Variants in RNF150 observed in about 807,000 individuals in gnomAD.
RNF150 encodes ring finger protein 150.
RNF150 carries 24 observed loss-of-function variants against 39.3 expected under a neutral mutation model. The ratio of observed to expected loss-of-function variants is 0.61; its 90% confidence interval spans 0.44 to 0.86. The LOEUF is 0.86. Ranked by LOEUF, RNF150 falls within the 40% of genes least tolerant of loss-of-function variation. RNF150 has a pLI of 0.00. For synonymous variants in RNF150, 255 were observed against 227.3 expected (o/e 1.12, Z -1.10); for missense variants, 502 against 587.8 (o/e 0.85, Z 1.51).
intron 1 of RNF150, among the ~76,000 whole-genome samples, chr4:141,157,102 A>G (rs938962464): frequency 2.6e-5 from 4 of 152,112 alleles, no homozygotes; most frequent in African/African-American, 9.7e-5. Context: ...TAACACTGTC[A>G]TCAGAAACTC....
At chr4:141,090,749 C>T (rs1002906980) in intron 1 of RNF150, among the ~76,000 whole-genome samples, 3 of 152,264 alleles carry the variant, frequency 2.0e-5, no homozygotes, top group South Asian at 2.1e-4. Flanking sequence ...TTAGACGGAG[C>T]AGCTGCTCAG....
In RNF150 at chr4:140,860,509, A is replaced by G. The variant is rs1728443971; in HGVS notation, c.*7752T>C. The G allele has an allele frequency of 1.3e-5, 2 of 152,234 alleles. No homozygotes were observed. Among genetic ancestry groups the G allele is most frequent in the Admixed American group, 1.3e-4 (2 of 15,290 alleles). The allele number at this position is 152,234 out of a possible 1,614,324, so 9.4% of individuals were successfully genotyped here. A position where few individuals can be genotyped will look rare whatever the true frequency, so the allele number is the denominator to read the frequency against. On this transcript the variant is annotated 3_prime_UTR_variant, in exon 7 of 7. Transcript: ENST00000515673. ...GGATAGACAATGCCGAGATGGAACC[A>G]TCATCTACTACCTGCAGACTAGCCA...
chr4:140,895,306 G>T (rs1264498706), intron 6 of RNF150, among the ~76,000 whole-genome samples: 2 of 152,138 alleles, frequency 1.3e-5, no homozygotes, highest in African/African-American at 4.8e-5. Context: ...CTAAGGGGAA[G>T]CTGAATATTT....
intron 1 of RNF150, among the ~76,000 whole-genome samples, chr4:140,995,785 T>C (rs557772547): frequency 1.3e-5 from 2 of 152,264 alleles, no homozygotes; most frequent in South Asian, 4.2e-4. Context: ...GTTCCATCCA[T>C]ATTGTTGCAA....
At chr4:141,120,988 T>C (rs1382356639) in intron 1 of RNF150, among the ~76,000 whole-genome samples, 1 of 75,904 alleles carries the variant, frequency 1.3e-5, no homozygotes, top group African/African-American at 3.0e-5. Context: ...CATGATAGCT[T>C]GGACTCAGTT....
At chr4:141,091,156 A>G (rs1317158608) in intron 1 of RNF150, among the ~76,000 whole-genome samples, 2 of 152,218 alleles carry the variant, frequency 1.3e-5, no homozygotes, top group Non-Finnish European at 2.9e-5. Context: ...CCTTACTAGC[A>G]ATGTAGCTTC....
intron 1 of RNF150, among the ~76,000 whole-genome samples, chr4:141,094,471 G>C (rs1222343963): frequency 2.0e-5 from 3 of 152,150 alleles, no homozygotes; most frequent in Non-Finnish European, 4.4e-5. Flanking sequence ...TTCTGCAAAG[G>C]GCCAAATAGT....
chr4:140,896,310 G>A (rs1729939507), intron 6 of RNF150, among the ~76,000 whole-genome samples: 2 of 10,048 alleles, frequency 2.0e-4, no homozygotes, highest in South Asian at 5.3e-3. Context: ...ATGATAGACT[G>A]GATTAAGAAA....
intron 6 of RNF150, among the ~76,000 whole-genome samples, chr4:140,877,416 T>C (rs1560943995): frequency 6.6e-6 from 1 of 152,206 alleles, no homozygotes; most frequent in Non-Finnish European, 1.5e-5. Context: ...TAAATATGAT[T>C]GGTATGAAAA....
chr4:141,049,674 A>G (rs1578670350), intron 1 of RNF150, among the ~76,000 whole-genome samples: 1 of 152,190 alleles, frequency 6.6e-6, no homozygotes. Flanking sequence ...GACATTATAA[A>G]TTGAAGATAT....
chr4:141,211,234 C>CA (rs1215718528), intron 1 of RNF150, among the ~76,000 whole-genome samples: 3 of 151,512 alleles, frequency 2.0e-5, no homozygotes, highest in Non-Finnish European at 4.4e-5. Flanking sequence ...AGTAGGTTTT[C>CA]AAAAAAAATC....
At chr4:141,029,991 T>G (rs7689453) in intron 1 of RNF150, among the ~76,000 whole-genome samples, 1 of 151,846 alleles carries the variant, frequency 6.6e-6, no homozygotes, top group African/African-American at 2.4e-5. Flanking sequence ...GGTCAGGAGA[T>G]GGAGACCATC....
chr4:141,029,154 G>C (rs961237696), intron 1 of RNF150, among the ~76,000 whole-genome samples: 1 of 152,076 alleles, frequency 6.6e-6, no homozygotes, highest in East Asian at 1.9e-4. Flanking sequence ...GGAGAAGAAG[G>C]GTTCTGTTAA....
chr4:141,073,663 CG>C (rs11432760), intron 1 of RNF150, among the ~76,000 whole-genome samples: 1 of 116,336 alleles, frequency 8.6e-6, no homozygotes, highest in Non-Finnish European at 2.2e-5. Flanking sequence ...ATATCAAGCT[CG>C]GGGGGGGAAG....
chr4:141,129,600 ACTGCAGAGTATGT>A (rs1726841050), intron 1 of RNF150, among the ~76,000 whole-genome samples: 2 of 152,224 alleles, frequency 1.3e-5, no homozygotes, highest in South Asian at 4.1e-4. Flanking sequence ...AAATGAGTGA[ACTGCAGAGTATGT>A]TTATATTTCA....
intron 1 of RNF150, among the ~76,000 whole-genome samples, chr4:141,162,419 G>T (rs752678942): frequency 5.9e-5 from 9 of 152,114 alleles, no homozygotes; most frequent in Non-Finnish European, 8.8e-5. Context: ...GATTTTGCAG[G>T]TTCATAGGCA....
intron 1 of RNF150, among the ~76,000 whole-genome samples, chr4:141,107,336 C>A (rs113711199): frequency 6.6e-6 from 1 of 152,140 alleles, no homozygotes; most frequent in Non-Finnish European, 1.5e-5. Context: ...TTACATCTCA[C>A]TAGAATCCTA....
At chr4:141,201,052 T>A (rs1728282222) in intron 1 of RNF150, among the ~76,000 whole-genome samples, 1 of 152,150 alleles carries the variant, frequency 6.6e-6, no homozygotes, top group Admixed American at 6.5e-5. Flanking sequence ...AAGGAAGGTG[T>A]AGGAAACTGA....
intron 1 of RNF150, among the ~76,000 whole-genome samples, chr4:140,970,318 TA>T (rs1385805904): frequency 6.6e-6 from 1 of 152,178 alleles, no homozygotes; most frequent in Non-Finnish European, 1.5e-5. Context: ...TTTTTTCCCC[TA>T]AATTATCAGA....
Sources: allele counts gnomAD v4.1 joint callset (sites outside exome capture counted in the v4.1 genomes callset), GRCh38; gene constraint gnomAD v4.1.1; transcripts MANE v1.5; gene names NCBI Gene and HGNC (gene_info 2026-07-23, HGNC 2026-07-21).